The following NADK variants were observed in gnomAD, a reference collection of about 807,000 sequenced individuals.
The protein encoded by NADK is NAD kinase.
A neutral mutation model predicts 49.8 loss-of-function variants in NADK; 22 were observed. The observed-to-expected ratio is 0.44, with a 90% CI of 0.32 to 0.63. The LOEUF is 0.63. NADK is among the 30% of genes least tolerant of loss of function. NADK has a pLI of 0.06. For synonymous variants in NADK, 268 were observed against 253.7 expected (o/e 1.06, Z -0.54); for missense variants, 438 against 609.4 (o/e 0.72, Z 2.96).
intron 1 of NADK, among the ~76,000 whole-genome samples, chr1:1,770,344 G>C (rs1240256923): frequency 6.6e-6 from 1 of 152,126 alleles, no homozygotes; most frequent in Non-Finnish European, 1.5e-5. Flanking sequence ...GAAAAGGTTT[G>C]GCATGAAATG....
chr1:1,759,018 C>G lies in NADK; in HGVS notation c.264-1708G>C, dbSNP rs1413603484. The G allele has an allele frequency of 7.7e-6, 11 of 1,424,400 alleles. No homozygotes were observed. The Admixed American group carries it at 2.9e-4, about 37-fold the overall frequency. The allele number at this position is 1,424,400 out of a possible 1,614,324, so 88.2% of individuals were successfully genotyped here. A position where few individuals can be genotyped will look rare whatever the true frequency, so the allele number is the denominator to read the frequency against. ...GGCCCAAGGGCGTGCAGGTGGCTCACGGTCCTCCGGCCTGGTCAGCCAGCA... is the reference window on the plus strand; with the variant it reads ...GGCCCAAGGGCGTGCAGGTGGCTCAGGGTCCTCCGGCCTGGTCAGCCAGCA... On this transcript the variant is annotated intron_variant, in intron 3 of 11. Transcript: ENST00000341426.
intron 1 of NADK, among the ~76,000 whole-genome samples, chr1:1,766,585 G>C (rs1484797407): frequency 6.6e-6 from 1 of 151,918 alleles, no homozygotes; most frequent in Admixed American, 6.6e-5. Context: ...GCCTTGCATC[G>C]TGAATTCAGC....
In NADK at chr1:1,765,163, T is replaced by C. The variant is rs908451353; in HGVS notation, c.179+65A>G. Reference sequence around the variant, plus strand: ...TACTCAGGAGAATTCTTCATAATCGTTTTAAGAAAGAATATTATGAAATCA... The same window carrying C: ...TACTCAGGAGAATTCTTCATAATCGCTTTAAGAAAGAATATTATGAAATCA... On this transcript the variant is annotated intron_variant, in intron 2 of 11. Transcript: ENST00000341426. 4.8e-6 allele frequency: 7 copies of C among 1,444,552 alleles called. No individual in the cohort carries two copies. In the Admixed American group the frequency reaches 1.6e-4, roughly 33 times the overall value. 89.5% of individuals were successfully genotyped at this position (1,444,552 alleles called of 1,614,324 possible). A position where few individuals can be genotyped will look rare whatever the true frequency, so the allele number is the denominator to read the frequency against.
chr1:1,754,352 G>C lies in NADK; in HGVS notation c.875C>G (p.Pro292Arg), dbSNP rs1399642019. 1.2e-6 allele frequency: 2 copies of C among 1,613,814 alleles called. No individual in the cohort carries two copies. Among genetic ancestry groups the C allele is most frequent in the Admixed American group, 1.7e-5 (1 of 59,998 alleles). The change falls in exon 9 of 12, where the codon CCC becomes CGC. Residue 292 changes from proline to arginine, a missense_variant. Physicochemically the swap from Pro to Arg is moderately radical, Grantham distance 103. Transcript: ENST00000341426. This position sits in a 1 kb window ranked among gnomAD's most constrained non-coding sequence, Gnocchi z 4.3. ...ATCCACATTGGACAGGTAGGAGGAG[G>C]GGCCTCTGTCAATCACCACCTCATT... ...VLNEVVIDRG[P>R]SSYLSNVDVY... is the part of the protein sequence containing the mutation.
At chr1:1,770,609 G>A (rs541619146) in intron 1 of NADK, among the ~76,000 whole-genome samples, 74 of 152,230 alleles carry the variant, frequency 4.9e-4, no homozygotes, top group African/African-American at 1.7e-3. Context: ...GCGGGTGCCT[G>A]TAGTCCCAGC....
chr1:1,759,833 C>T (rs757013126), intron 3 of NADK: 4 of 1,551,186 alleles, frequency 2.6e-6, no homozygotes, highest in Admixed American at 2.0e-5. Flanking sequence ...GTCCGGTGAC[C>T]CCGCCCTGGC....
chr1:1,752,656 C>G lies in NADK; in HGVS notation c.*248G>C, dbSNP rs542522733. On this transcript the variant is annotated 3_prime_UTR_variant, in exon 12 of 12. Coordinates refer to ENST00000341426, the MANE Select transcript of NADK (RefSeq NM_023018.5). The stretch of plus-strand genomic sequence containing the variant: ...TGGAGGCCGCGCTCCAGGGACCCAC[C>G]GCGGGGTGTCAGCAGGACAGAAGCA... The G allele has an allele frequency of 2.3e-6, 1 of 436,516 alleles. No individual in the cohort carries two copies. The highest frequency in any genetic ancestry group is 4.0e-6 in the Non-Finnish European group (1 of 247,970). The allele number at this position is 436,516 out of a possible 1,614,324, so 27.0% of individuals were successfully genotyped here.
intron 2 of NADK, among the ~76,000 whole-genome samples, chr1:1,763,383 C>G (rs1329160303): frequency 6.6e-6 from 1 of 152,152 alleles, no homozygotes; most frequent in African/African-American, 2.4e-5. Flanking sequence ...CTTTGGGAGG[C>G]TGAGGTGGGC....
intron 1 of NADK, among the ~76,000 whole-genome samples, chr1:1,766,231 C>T (rs1645880755): frequency 6.6e-6 from 1 of 151,614 alleles, no homozygotes; most frequent in Admixed American, 6.6e-5. Flanking sequence ...CATGGAGAAA[C>T]CCCCATCTCT....
rs140769899 is a variant in NADK, at chr1:1,772,089, G to A, written c.-41+6200C>T. 5.7e-3 allele frequency among the ~76,000 whole-genome samples: 868 copies of A among 151,702 alleles called. 3 individuals are homozygous for A. Among genetic ancestry groups the A allele is most frequent in the African/African-American group, 0.015 (614 of 41,360 alleles). ...CTTCCAAAGTGTTGGGATTACAGGCGTGAGCCACCTCACCCAGCTGGAAAA... is the reference window on the plus strand; with the variant it reads ...CTTCCAAAGTGTTGGGATTACAGGCATGAGCCACCTCACCCAGCTGGAAAA... On this transcript the variant is annotated intron_variant, in intron 1 of 11. Coordinates refer to ENST00000341426, the MANE Select transcript of NADK (RefSeq NM_023018.5).
At chr1:1,778,997 C>T (rs1646298677), upstream of NADK, among the ~76,000 whole-genome samples, 1 of 152,220 alleles carries the variant, frequency 6.6e-6, no homozygotes, top group South Asian at 2.1e-4. This position sits in a 1 kb window ranked among gnomAD's most constrained non-coding sequence, Gnocchi z 4.9. Context: ...AAACTTAGAG[C>T]AGCTGCGGCA....
chr1:1,757,335 A>G (rs746249182), intron 3 of NADK, 25 bp from the exon 4 acceptor site: 43 of 1,583,822 alleles, frequency 2.7e-5, no homozygotes, highest in Non-Finnish European at 3.7e-5. Context: ...AAAAGAGTTC[A>G]CACCAGCTGC....
intron 3 of NADK, chr1:1,759,155 G>A: frequency 6.4e-7 from 1 of 1,559,740 alleles, no homozygotes; most frequent in Non-Finnish European, 8.7e-7. Flanking sequence ...AGCCCAGCCA[G>A]AGCCACCAGC....
At chr1:1,753,104 G>T in intron 11 of NADK, 44 bp from the exon 12 acceptor site, 1 of 1,575,134 alleles carries the variant, frequency 6.3e-7, no homozygotes, top group Non-Finnish European at 8.6e-7. Flanking sequence ...TTCCAGAAAG[G>T]CCCACCCCCG....
intron 2 of NADK, among the ~76,000 whole-genome samples, chr1:1,763,105 G>A (rs1645777792): frequency 6.6e-6 from 1 of 152,254 alleles, no homozygotes; most frequent in African/African-American, 2.4e-5. Flanking sequence ...CCCCAGGAGA[G>A]CCGTGGTGCC....
intron 3 of NADK, chr1:1,758,326 C>T: frequency 6.3e-7 from 1 of 1,582,202 alleles, no homozygotes; most frequent in East Asian, 2.3e-5. Flanking sequence ...CAGACCTTAG[C>T]CCATCGCTTG....
At chr1:1,759,102 C>G in intron 3 of NADK, 1 of 1,539,464 alleles carries the variant, frequency 6.5e-7, no homozygotes, top group Non-Finnish European at 8.8e-7. Flanking sequence ...ACCACTGACC[C>G]AGTGGCCTGG....
chr1:1,759,755 C>G (rs770716415), intron 3 of NADK: 19 of 1,555,866 alleles, frequency 1.2e-5, no homozygotes, highest in Non-Finnish European at 1.4e-5. Context: ...GCGGGGCTGT[C>G]TGGCCTCGGG....
chr1:1,752,806 C>A lies in NADK; in HGVS notation c.*98G>T. ...CAGCTACAGAAAGGAAGTGGCCGTG[C>A]CACTGAGACAGGCGGTCACAGACAC... On this transcript the variant is annotated 3_prime_UTR_variant, in exon 12 of 12. Coordinates refer to ENST00000341426, the MANE Select transcript of NADK (RefSeq NM_023018.5). 2 of 1,399,328 alleles carry A rather than the reference C, an allele frequency of 1.4e-6. No individual in the cohort carries two copies. Among genetic ancestry groups the A allele is most frequent in the Non-Finnish European group, 2.0e-6 (2 of 1,022,132 alleles). The allele number at this position is 1,399,328 out of a possible 1,614,324, so 86.7% of individuals were successfully genotyped here.
Sources: allele counts gnomAD v4.1 joint callset (sites outside exome capture counted in the v4.1 genomes callset), GRCh38; gene constraint gnomAD v4.1.1; non-coding constraint Gnocchi (gnomAD v3.1); transcripts MANE v1.5; gene names NCBI Gene and HGNC (gene_info 2026-07-23, HGNC 2026-07-21).